PARP15: variants seen among roughly 807,000 people sequenced by gnomAD.
PARP15 encodes the protein protein mono-ADP-ribosyltransferase PARP15.
Under a neutral mutation model 62.1 loss-of-function variants are expected in PARP15, and 50 were observed. That is an observed-to-expected ratio of 0.81 (90% CI 0.64 to 1.02). The LOEUF is 1.02. PARP15 is among the 50% of genes least tolerant of loss of function. The probability of loss-of-function intolerance (pLI) is 0.00; values close to 1 mark genes in which losing one functional copy is unlikely to be tolerated. For missense variants in PARP15, 820 were observed against 826.5 expected (o/e 0.99, Z 0.10); for synonymous variants, 309 against 293.1 (o/e 1.05, Z -0.55).
intron 6 of PARP15, among the ~76,000 whole-genome samples, chr3:122,617,540 T>C (rs1315276825): frequency 6.6e-6 from 1 of 152,240 alleles, no homozygotes; most frequent in African/African-American, 2.4e-5. Flanking sequence ...TTCCTGTTTA[T>C]GTAACCTACT....
rs1404020242 is a variant in PARP15, at chr3:122,636,682, C to T, written c.*582C>T. On this transcript the variant is annotated 3_prime_UTR_variant, in exon 12 of 12. Transcript: ENST00000464300. ...TTGTTATCTAATATTAAAAAATTAC[C>T]CCCAATTTTAGTGACTTAATCCCAC... is the stretch of plus-strand genomic sequence containing the variant. The T allele has an allele frequency of 6.5e-6, 1 of 152,914 alleles. No individual in the cohort carries two copies. Among genetic ancestry groups the T allele is most frequent in the Non-Finnish European group, 1.5e-5 (1 of 68,630 alleles). The allele number at this position is 152,914 out of a possible 1,614,324, so 9.5% of individuals were successfully genotyped here.
rs1389112915 is a variant in PARP15 at position 122,610,470 on chromosome 3, C to CT, written c.307-23dup. On this transcript the variant is annotated intron_variant, in intron 2 of 11. Coordinates refer to ENST00000464300, the MANE Select transcript of PARP15 (RefSeq NM_001113523.3). Reference sequence around the variant, plus strand: ...TCATTATGTATTATTGATTCAATCTCTAACTGTTGCTATTTTCGTTAAGGC... The same window carrying CT: ...TCATTATGTATTATTGATTCAATCTCTTAACTGTTGCTATTTTCGTTAAGGC... The CT allele has an allele frequency of 1.8e-5, 28 of 1,524,442 alleles. 1 individual carries two copies. The highest frequency in any genetic ancestry group is 1.5e-4 in the East Asian group (6 of 40,762). 94.4% of individuals were successfully genotyped at this position (1,524,442 alleles called of 1,614,324 possible). A position where few individuals can be genotyped will look rare whatever the true frequency, so the allele number is the denominator to read the frequency against.
At chr3:122,597,978 T>C (rs1934488088) in intron 1 of PARP15, among the ~76,000 whole-genome samples, 1 of 152,258 alleles carries the variant, frequency 6.6e-6, no homozygotes. Context: ...TTTTTATTTA[T>C]TTTTCACTGT....
chr3:122,598,583 G>A (rs917121451), intron 1 of PARP15, among the ~76,000 whole-genome samples: 3 of 152,198 alleles, frequency 2.0e-5, no homozygotes, highest in Non-Finnish European at 4.4e-5. Flanking sequence ...GAGAGAAAGA[G>A]AGGCCATGAG....
At position 122,636,391 on chromosome 3, in the gene PARP15, G is replaced by C; in HGVS notation, c.*291G>C. ...AAAGCACATTATTCTTTTTCTATCAGAAAAAAACAAGATGCATCACCTTAA... is the reference window on the plus strand; with the variant it reads ...AAAGCACATTATTCTTTTTCTATCACAAAAAAACAAGATGCATCACCTTAA... On this transcript the variant is annotated 3_prime_UTR_variant, in exon 12 of 12. Coordinates refer to ENST00000464300, the MANE Select transcript of PARP15 (RefSeq NM_001113523.3). 3.1e-6 allele frequency: 1 copy of C among 327,514 alleles called. No homozygotes were observed. The allele number at this position is 327,514 out of a possible 1,614,324, so 20.3% of individuals were successfully genotyped here. A position where few individuals can be genotyped will look rare whatever the true frequency, so the allele number is the denominator to read the frequency against.
intron 4 of PARP15, chr3:122,615,114 A>C: frequency 2.0e-6 from 2 of 985,210 alleles, no homozygotes; most frequent in Non-Finnish European, 2.4e-6. Flanking sequence ...AGATACCTGA[A>C]AAGAAAGAAA....
intron 1 of PARP15, among the ~76,000 whole-genome samples, chr3:122,589,350 A>C (rs1159502902): frequency 6.6e-6 from 1 of 152,198 alleles, no homozygotes; most frequent in Non-Finnish European, 1.5e-5. Flanking sequence ...TAGGACTTCA[A>C]CTTAAGAATT....
intron 10 of PARP15, among the ~76,000 whole-genome samples, chr3:122,633,329 C>T (rs540491367): frequency 6.6e-6 from 1 of 152,052 alleles, no homozygotes; most frequent in South Asian, 2.1e-4. Flanking sequence ...GAAAGGGGAG[C>T]CAGGAGATAG....
At chr3:122,586,540 T>C (rs909597353) in intron 1 of PARP15, among the ~76,000 whole-genome samples, 1 of 152,258 alleles carries the variant, frequency 6.6e-6, no homozygotes, top group African/African-American at 2.4e-5. Context: ...GATTAAGGCT[T>C]ATTTCTAGAA....
chr3:122,627,140 A>C (rs1024912544), intron 9 of PARP15, 107 bp downstream of exon 9: 2 of 952,120 alleles, frequency 2.1e-6, no homozygotes, highest in Admixed American at 5.8e-5. Context: ...TCGTTTTAGG[A>C]CTTTTCAGAC....
intron 1 of PARP15, among the ~76,000 whole-genome samples, chr3:122,578,638 G>A (rs567984994): frequency 6.6e-6 from 1 of 151,694 alleles, no homozygotes; most frequent in African/African-American, 2.4e-5. Context: ...TTAATGTCAG[G>A]GCTAGTCTTC....
chr3:122,615,962 A>G (rs764030292), intron 5 of PARP15, 105 bp downstream of exon 5: 7 of 1,130,904 alleles, frequency 6.2e-6, no homozygotes, highest in Middle Eastern at 2.0e-4. Context: ...CACATGAAGA[A>G]CAAATCTGTG....
intron 6 of PARP15, 21 bp downstream of exon 6, chr3:122,617,185 A>G (rs1387631603): frequency 1.3e-6 from 2 of 1,592,894 alleles, no homozygotes; most frequent in Non-Finnish European, 1.7e-6. Flanking sequence ...TAAGCAATAT[A>G]TTGTAATTAT....
In PARP15 at chr3:122,592,628, A is replaced by G. The variant is rs112263610; in HGVS notation, c.187-13308A>G. On this transcript the variant is annotated intron_variant, in intron 1 of 11. Transcript: ENST00000464300. ...TATTAAAATTAAAATTAAAAAAAAA[A>G]AAAGAAAACCAGACAAGGCAAAGGA... Among the ~76,000 whole-genome samples, 361 of 152,220 alleles carry G rather than the reference A, an allele frequency of 2.4e-3. 2 individuals are homozygous for G. The highest frequency in any genetic ancestry group is 3.6e-3 in the Non-Finnish European group (244 of 67,998).
intron 1 of PARP15, among the ~76,000 whole-genome samples, chr3:122,594,083 T>A (rs1934154748): frequency 6.6e-6 from 1 of 152,196 alleles, no homozygotes; most frequent in Non-Finnish European, 1.5e-5. Flanking sequence ...GTCACACAGC[T>A]AGTACCTGTT....
At chr3:122,635,297 C>T (rs1196600047) in intron 11 of PARP15, 103 bp downstream of exon 11, 1 of 1,052,542 alleles carries the variant, frequency 9.5e-7, no homozygotes, top group East Asian at 2.6e-5. Flanking sequence ...TGTATTATCA[C>T]TGTCAGAATA....
chr3:122,634,108 G>T (rs1341653019), intron 10 of PARP15, among the ~76,000 whole-genome samples: 1 of 152,074 alleles, frequency 6.6e-6, no homozygotes, highest in Non-Finnish European at 1.5e-5. Flanking sequence ...CTCCTCAACA[G>T]CTGCCCAGGT....
chr3:122,604,399 A>G (rs893270490), intron 1 of PARP15, among the ~76,000 whole-genome samples: 6 of 152,210 alleles, frequency 3.9e-5, no homozygotes, highest in African/African-American at 7.2e-5. Context: ...GACAGGATTC[A>G]AGTGCAACTT....
chr3:122,602,593 C>CA (rs1298769319), intron 1 of PARP15, among the ~76,000 whole-genome samples: 1 of 152,174 alleles, frequency 6.6e-6, no homozygotes, highest in Non-Finnish European at 1.5e-5. Context: ...TGACTTCTTT[C>CA]AATTATAGCA....
Sources: allele counts gnomAD v4.1 joint callset (sites outside exome capture counted in the v4.1 genomes callset), GRCh38; gene constraint gnomAD v4.1.1; transcripts MANE v1.5; gene names NCBI Gene and HGNC (gene_info 2026-07-23, HGNC 2026-07-21).